DLG2: variants seen among roughly 807,000 people sequenced by gnomAD.
The protein encoded by DLG2 is disks large homolog 2.
DLG2 carries 45 observed loss-of-function variants against 132.5 expected under a neutral mutation model. The ratio of observed to expected loss-of-function variants is 0.34; its 90% CI spans 0.27 to 0.44. The LOEUF (loss-of-function observed/expected upper bound fraction) is 0.44, where lower values mean the gene tolerates loss of function less well. Among genes scored for constraint, DLG2 ranks in the 20% least tolerant of loss-of-function variants. The probability of loss-of-function intolerance (pLI) is 1.00; values close to 1 mark genes in which losing one functional copy is unlikely to be tolerated. For synonymous variants in DLG2, 424 were observed against 419.6 expected, an observed-to-expected ratio of 1.01 and a Z score of -0.13; for missense variants, 1,045 against 1,196.9, an observed-to-expected ratio of 0.87 and a Z score of 1.87.
chr11:83,981,090 A>T (rs1324209506), intron 11 of DLG2, among the ~76,000 whole-genome samples: 8 of 152,224 alleles, frequency 5.3e-5, no homozygotes, highest in African/African-American at 1.4e-4. Flanking sequence ...ACTTGGGCAG[A>T]GACCTGGATA....
At chr11:84,127,531 C>A (rs1394922745) in intron 9 of DLG2, among the ~76,000 whole-genome samples, 1 of 152,182 alleles carries the variant, frequency 6.6e-6, no homozygotes, top group Non-Finnish European at 1.5e-5. Flanking sequence ...CTCCTAACTT[C>A]TGGTGATTTG....
At chr11:84,759,024 C>T (rs900301817) in intron 6 of DLG2, among the ~76,000 whole-genome samples, 5 of 152,124 alleles carry the variant, frequency 3.3e-5, no homozygotes, top group East Asian at 1.9e-4. Flanking sequence ...ACTACAGGCA[C>T]GCACCACCAT....
At chr11:84,072,959 T>C (rs1566351618) in intron 10 of DLG2, among the ~76,000 whole-genome samples, 1 of 152,196 alleles carries the variant, frequency 6.6e-6, no homozygotes, top group Admixed American at 6.5e-5. Context: ...ATGGATTGTA[T>C]GTGGGTAGTG....
At chr11:83,590,797 G>T (rs2097175012) in intron 19 of DLG2, among the ~76,000 whole-genome samples, 3 of 151,998 alleles carry the variant, frequency 2.0e-5, no homozygotes, top group Admixed American at 2.0e-4. Flanking sequence ...AATAAAAAAT[G>T]ATAAAGGGGA....
intron 6 of DLG2, among the ~76,000 whole-genome samples, chr11:84,586,106 G>A (rs551881189): frequency 3.5e-5 from 5 of 143,912 alleles, no homozygotes; most frequent in African/African-American, 1.1e-4. Context: ...AGCCAAGATC[G>A]TGCCACTGCA....
chr11:84,287,741 G>GACACACACACAC lies in DLG2; in HGVS notation c.520-36462_520-36451dup, dbSNP rs373708341. Among the ~76,000 whole-genome samples the GACACACACACAC allele has an allele frequency of 4.7e-3, 661 of 139,278 alleles. 2 individuals carry two copies. Among genetic ancestry groups the GACACACACACAC allele is most frequent in the African/African-American group, 8.7e-3 (322 of 37,126 alleles). 91.4% of individuals were successfully genotyped at this position (139,278 alleles called of 152,430 possible). ...TCCCTCCATATTTTTCTCTCTCTTA[G>GACACACACACAC]ACACACACACACACACACACACACA... On this transcript the variant is annotated intron_variant, in intron 7 of 27. Transcript: ENST00000376104.
chr11:85,412,389 C>T (rs894304434), intron 3 of DLG2, among the ~76,000 whole-genome samples: 22 of 151,524 alleles, frequency 1.5e-4, no homozygotes, highest in Non-Finnish European at 7.4e-5. Flanking sequence ...CTTTTTTTCC[C>T]ATAGGTTATT....
intron 6 of DLG2, among the ~76,000 whole-genome samples, chr11:84,775,856 A>G (rs1174703325): frequency 1.3e-5 from 2 of 152,174 alleles, no homozygotes; most frequent in African/African-American, 4.8e-5. Context: ...TACTCATGTA[A>G]CAAGCTTGCC....
intron 9 of DLG2, among the ~76,000 whole-genome samples, chr11:84,134,942 C>T (rs1049385053): frequency 6.6e-6 from 1 of 151,964 alleles, no homozygotes; most frequent in African/African-American, 2.4e-5. Flanking sequence ...TTTTGAATGG[C>T]AATTGCCATC....
chr11:83,985,465 G>T (rs2093196940), intron 11 of DLG2, among the ~76,000 whole-genome samples: 1 of 151,922 alleles, frequency 6.6e-6, no homozygotes, highest in African/African-American at 2.4e-5. Context: ...GTGATATTAA[G>T]CCCAGAATCC....
At chr11:84,267,081 G>C (rs558167982) in intron 7 of DLG2, among the ~76,000 whole-genome samples, 69 of 152,310 alleles carry the variant, frequency 4.5e-4, no homozygotes, top group Middle Eastern at 3.4e-3. Flanking sequence ...AGAAAGGCAG[G>C]TGGGATTACG....
chr11:83,994,510 T>C (rs144928286), intron 11 of DLG2, among the ~76,000 whole-genome samples: 4 of 152,262 alleles, frequency 2.6e-5, no homozygotes, highest in East Asian at 1.9e-4. Context: ...GCTGGGACTA[T>C]AGGTGAGCAC....
At chr11:83,686,898 T>C (rs1275191933) in intron 18 of DLG2, among the ~76,000 whole-genome samples, 4 of 152,160 alleles carry the variant, frequency 2.6e-5, no homozygotes, top group African/African-American at 9.7e-5. Context: ...TGTGACCTTA[T>C]TGGGAAATAG....
chr11:85,517,499 C>T (rs776069659), intron 3 of DLG2, among the ~76,000 whole-genome samples: 3 of 152,102 alleles, frequency 2.0e-5, no homozygotes, highest in Non-Finnish European at 2.9e-5. Flanking sequence ...ATGATCTCTT[C>T]TTGGTGATGA....
chr11:83,673,683 G>A (rs1317563776), intron 18 of DLG2, among the ~76,000 whole-genome samples: 1 of 152,146 alleles, frequency 6.6e-6, no homozygotes, highest in Non-Finnish European at 1.5e-5. Context: ...CTTGAACATT[G>A]TGGGAAATGG....
chr11:85,176,543 A>G (rs1415945791), intron 4 of DLG2, among the ~76,000 whole-genome samples: 2 of 152,212 alleles, frequency 1.3e-5, no homozygotes, highest in Non-Finnish European at 2.9e-5. Flanking sequence ...CATTTAGGAC[A>G]TAGGCACTGG....
intron 17 of DLG2, among the ~76,000 whole-genome samples, chr11:83,829,853 C>T (rs1185168476): frequency 2.0e-5 from 3 of 152,134 alleles, no homozygotes; most frequent in Middle Eastern, 6.8e-3. Flanking sequence ...CCCTTTAACT[C>T]GTCATTTACA....
At chr11:85,373,292 G>A (rs1056971847) in intron 3 of DLG2, among the ~76,000 whole-genome samples, 4 of 151,958 alleles carry the variant, frequency 2.6e-5, no homozygotes, top group African/African-American at 7.2e-5. Flanking sequence ...TAATAATCTG[G>A]TTTGTCTGTT....
intron 9 of DLG2, among the ~76,000 whole-genome samples, chr11:84,099,534 A>G (rs1033478747): frequency 6.6e-6 from 1 of 151,906 alleles, no homozygotes; most frequent in African/African-American, 2.4e-5. Flanking sequence ...CTAAGTAAAG[A>G]AAACTTCCAC....
Sources: allele counts gnomAD v4.1 joint callset (sites outside exome capture counted in the v4.1 genomes callset), GRCh38; gene constraint gnomAD v4.1.1; transcripts MANE v1.5; gene names NCBI Gene and HGNC (gene_info 2026-07-23, HGNC 2026-07-21).